The following CAMK2D variants were observed in gnomAD, a reference collection of about 807,000 sequenced individuals.
CAMK2D encodes calcium/calmodulin-dependent protein kinase type II subunit delta.
A neutral mutation model predicts 84.0 loss-of-function variants in CAMK2D; 37 were observed. The ratio of observed to expected loss-of-function variants is 0.44; its 90% CI spans 0.34 to 0.58. CAMK2D has a LOEUF of 0.58. CAMK2D is among the 20% of genes least tolerant of loss of function. CAMK2D has a pLI of 0.02. For synonymous variants in CAMK2D, 202 were observed against 212.5 expected (o/e 0.95, Z 0.43); for missense variants, 448 against 652.5 (o/e 0.69, Z 3.41).
At chr4:113,516,994 A>G (rs569859562) in intron 9 of CAMK2D, among the ~76,000 whole-genome samples, 2 of 152,004 alleles carry the variant, frequency 1.3e-5, no homozygotes, top group South Asian at 4.1e-4. Flanking sequence ...ATATATATAT[A>G]TCTACTTTCA....
chr4:113,558,709 T>C (rs147555398), intron 4 of CAMK2D, among the ~76,000 whole-genome samples: 204 of 152,258 alleles, frequency 1.3e-3, no homozygotes, highest in Non-Finnish European at 2.1e-3. Flanking sequence ...TAATTTCACT[T>C]ATAAAATACT....
intron 7 of CAMK2D, among the ~76,000 whole-genome samples, chr4:113,532,991 A>C (rs1185956453): frequency 1.3e-5 from 2 of 151,248 alleles, no homozygotes; most frequent in Non-Finnish European, 3.0e-5. Flanking sequence ...TTTTATATAC[A>C]ATCTGTACTC....
intron 2 of CAMK2D, among the ~76,000 whole-genome samples, chr4:113,752,080 T>C (rs1040342661): frequency 6.6e-6 from 1 of 151,604 alleles, no homozygotes; most frequent in Non-Finnish European, 1.5e-5. Context: ...GTTTCTCTCC[T>C]AAAAAAGTTA....
chr4:113,652,090 G>C (rs1050525542), intron 3 of CAMK2D, among the ~76,000 whole-genome samples: 95 of 152,214 alleles, frequency 6.2e-4, no homozygotes, highest in African/African-American at 2.2e-3. Context: ...GACTAATTCA[G>C]AGTTATACAG....
chr4:113,641,516 C>A (rs986947376), intron 3 of CAMK2D, among the ~76,000 whole-genome samples: 5 of 152,114 alleles, frequency 3.3e-5, no homozygotes, highest in African/African-American at 1.2e-4. Context: ...TTCTTTCTTG[C>A]AGATTTCATT....
At chr4:113,660,251 T>C (rs2099223291) in intron 3 of CAMK2D, among the ~76,000 whole-genome samples, 1 of 152,230 alleles carries the variant, frequency 6.6e-6, no homozygotes, top group South Asian at 2.1e-4. Flanking sequence ...TATTTCTGAA[T>C]TTACTTTTTC....
chr4:113,628,985 C>T (rs2099078333), intron 3 of CAMK2D, among the ~76,000 whole-genome samples: 1 of 151,752 alleles, frequency 6.6e-6, no homozygotes, highest in African/African-American at 2.4e-5. Flanking sequence ...ACATTTCCAC[C>T]AACGTAAATA....
intron 2 of CAMK2D, among the ~76,000 whole-genome samples, chr4:113,752,343 A>C (rs1271427044): frequency 1.3e-5 from 2 of 152,102 alleles, no homozygotes; most frequent in African/African-American, 2.4e-5. Flanking sequence ...ACTGTATATA[A>C]ATATTATATC....
intron 2 of CAMK2D, among the ~76,000 whole-genome samples, chr4:113,664,805 A>ATT (rs201297299): frequency 0.066 from 9,566 of 145,440 alleles, 998 homozygotes; most frequent in African/African-American, 0.23. Context: ...GCCACAGTAG[A>ATT]TTTTTTTTTT....
chr4:113,625,681 T>A (rs1368260118), intron 3 of CAMK2D, among the ~76,000 whole-genome samples: 4 of 151,370 alleles, frequency 2.6e-5, no homozygotes, highest in Non-Finnish European at 5.9e-5. Context: ...GGGGTGTGAG[T>A]ATGAGGGGTT....
At chr4:113,603,127 G>A (rs760613044) in intron 4 of CAMK2D, among the ~76,000 whole-genome samples, 1 of 152,018 alleles carries the variant, frequency 6.6e-6, no homozygotes, top group Non-Finnish European at 1.5e-5. Context: ...AACCATGCTA[G>A]GCACAAACCC....
At chr4:113,562,331 A>G (rs1297310676) in intron 4 of CAMK2D, among the ~76,000 whole-genome samples, 1 of 152,198 alleles carries the variant, frequency 6.6e-6, no homozygotes, top group African/African-American at 2.4e-5. Context: ...TTAAGTAATT[A>G]TCTAAAATCT....
At chr4:113,592,112 G>C (rs2098890921) in intron 4 of CAMK2D, among the ~76,000 whole-genome samples, 1 of 152,100 alleles carries the variant, frequency 6.6e-6, no homozygotes, top group South Asian at 2.1e-4. Flanking sequence ...CCAAAGCTGA[G>C]GGGGGTTGGT....
intron 4 of CAMK2D, among the ~76,000 whole-genome samples, chr4:113,593,655 G>A (rs2098905926): frequency 6.6e-6 from 1 of 152,178 alleles, no homozygotes; most frequent in Non-Finnish European, 1.5e-5. Flanking sequence ...AGAGAATGCT[G>A]TTTGTCTTAA....
intron 4 of CAMK2D, among the ~76,000 whole-genome samples, chr4:113,556,605 C>T (rs2098666242): frequency 6.6e-6 from 1 of 152,110 alleles, no homozygotes; most frequent in African/African-American, 2.4e-5. Flanking sequence ...ACTGTCAGCA[C>T]CAGGCCCTGT....
At chr4:113,731,076 C>A (rs2099567803) in intron 2 of CAMK2D, among the ~76,000 whole-genome samples, 2 of 152,312 alleles carry the variant, frequency 1.3e-5, no homozygotes, top group Middle Eastern at 3.4e-3. Flanking sequence ...TATTCACCAA[C>A]TGAATATTTT....
chr4:113,716,938 G>C (rs1311328126), intron 2 of CAMK2D, among the ~76,000 whole-genome samples: 2 of 152,128 alleles, frequency 1.3e-5, no homozygotes, highest in African/African-American at 4.8e-5. Flanking sequence ...AATTGAACAA[G>C]TGAATAGTGT....
intron 6 of CAMK2D, among the ~76,000 whole-genome samples, chr4:113,539,549 GA>G (rs2098516117): frequency 6.6e-6 from 1 of 152,196 alleles, no homozygotes; most frequent in African/African-American, 2.4e-5. Context: ...AGTATCTGCC[GA>G]TTCAGAAGAA....
chr4:113,671,558 T>C (rs2099284340), intron 2 of CAMK2D, among the ~76,000 whole-genome samples: 1 of 152,246 alleles, frequency 6.6e-6, no homozygotes, highest in Admixed American at 6.5e-5. Flanking sequence ...TGGGCGACAC[T>C]GGAGCAAGCA....
Sources: allele counts gnomAD v4.1 joint callset (sites outside exome capture counted in the v4.1 genomes callset), GRCh38; gene constraint gnomAD v4.1.1; transcripts MANE v1.5; gene names NCBI Gene and HGNC (gene_info 2026-07-23, HGNC 2026-07-21).